SMARCB1: variants seen among roughly 807,000 people sequenced by gnomAD.
SMARCB1 encodes SWI/SNF-related matrix-associated actin-dependent regulator of chromatin subfamily B member 1.
SMARCB1 carries 5 observed loss-of-function variants against 49.0 expected under a neutral mutation model. The observed-to-expected ratio is 0.10, with a 90% CI of 0.05 to 0.21. The LOEUF is 0.21. Among genes scored for constraint, SMARCB1 ranks in the 10% least tolerant of loss-of-function variants. SMARCB1 has a pLI of 1.00. For synonymous variants in SMARCB1, 201 were observed against 200.1 expected (o/e 1.00, Z -0.04); for missense variants, 226 against 509.2 (o/e 0.44, Z 5.35).
chr22:23,829,654 T>G (rs2030557143), intron 7 of SMARCB1, among the ~76,000 whole-genome samples: 1 of 152,254 alleles, frequency 6.6e-6, no homozygotes, highest in African/African-American at 2.4e-5. Flanking sequence ...TCAGGTTTTG[T>G]TTGTTTTTTT....
At position 23,835,425 on chromosome 22, in the gene SMARCB1, C is replaced by T. The variant is rs1261128119; in HGVS notation, c.*1245C>T. Reference sequence around the variant, plus strand: ...GCTAGGGTCAGAGGCTGCTGTGCTCCCTGGAAGTGGGGTAGGGCCCCATGT... The same window carrying T: ...GCTAGGGTCAGAGGCTGCTGTGCTCTCTGGAAGTGGGGTAGGGCCCCATGT... On this transcript the variant is annotated 3_prime_UTR_variant, in exon 9 of 9. Coordinates refer to ENST00000644036, the MANE Select transcript of SMARCB1 (RefSeq NM_003073.5). 3.0e-6 allele frequency: 3 copies of T among 986,708 alleles called. No individual in the cohort carries two copies. The highest frequency in any genetic ancestry group is 3.6e-6 in the Non-Finnish European group (3 of 830,936). 61.1% of individuals were successfully genotyped at this position (986,708 alleles called of 1,614,324 possible).
intron 5 of SMARCB1, chr22:23,815,781 A>G (rs1296069985): frequency 6.6e-6 from 1 of 152,264 alleles, no homozygotes; most frequent in Non-Finnish European, 1.5e-5. Context: ...GGATACAGAT[A>G]CAGTCCTCTA....
chr22:23,802,154 C>T (rs1792982511), intron 4 of SMARCB1: 1 of 152,776 alleles, frequency 6.5e-6, no homozygotes, highest in Non-Finnish European at 1.5e-5. Flanking sequence ...GATCATGTCA[C>T]CTCTCCACGC....
At chr22:23,816,738 C>T (rs778177188) in intron 5 of SMARCB1, 32 bp from the exon 6 acceptor site, 16 of 1,604,174 alleles carry the variant, frequency 1.0e-5, no homozygotes, top group Non-Finnish European at 1.4e-5. Context: ...ATGGTGCAAT[C>T]TCTTGGCATC....
chr22:23,798,903 A>G (rs1009002398), intron 3 of SMARCB1, among the ~76,000 whole-genome samples: 4 of 150,574 alleles, frequency 2.7e-5, no homozygotes, highest in Admixed American at 6.6e-5. Context: ...CAAAAAACTT[A>G]GCCGGGCGTG....
chr22:23,800,838 G>A (rs1929095950), intron 3 of SMARCB1, 106 bp from the exon 4 acceptor site: 2 of 905,606 alleles, frequency 2.2e-6, no homozygotes, highest in South Asian at 1.3e-5. Context: ...TGGGAGCCTC[G>A]AGCCTGACAG....
intron 6 of SMARCB1, chr22:23,823,193 T>C (rs1934345576): frequency 6.6e-6 from 1 of 152,052 alleles, no homozygotes; most frequent in Non-Finnish European, 1.5e-5. Context: ...AATAAATGAA[T>C]GTGTTAGTGA....
chr22:23,803,740 C>G (rs1014982774), intron 5 of SMARCB1: 10 of 415,988 alleles, frequency 2.4e-5, no homozygotes, highest in African/African-American at 1.6e-4. Flanking sequence ...GCCCCCGAGC[C>G]CTGCACACAC....
At chr22:23,813,535 A>G (rs1000284546) in intron 5 of SMARCB1, among the ~76,000 whole-genome samples, 6 of 152,344 alleles carry the variant, frequency 3.9e-5, no homozygotes, top group Non-Finnish European at 8.8e-5. Flanking sequence ...ACCATTTATC[A>G]TCACTCAATA....
rs185572642 is a variant in SMARCB1, at chr22:23,833,559, C to T, written c.987-13C>T. On this transcript the variant is annotated splice_polypyrimidine_tract_variant and intron_variant, in intron 7 of 8. Coordinates refer to ENST00000644036, the MANE Select transcript of SMARCB1 (RefSeq NM_003073.5). ...GGAAAAGTCATTCCTCTCACTGCCT[C>T]CCCTCCTCGTAGCGAGAACCCTCTG... 15 of 1,614,210 alleles carry T rather than the reference C, an allele frequency of 9.3e-6. No individual in the cohort carries two copies. In the Admixed American group the frequency reaches 1.5e-4, roughly 16 times the overall value.
rs372924301 is a variant in SMARCB1, at chr22:23,816,896, G to A, written c.755G>A (p.Ser252Asn). ...CAGATCGAGTCCTACCCCACGGACAGCATCCTGGAGGACCAGTCAGACCAG... is the reference window on the plus strand; with the variant it reads ...CAGATCGAGTCCTACCCCACGGACAACATCCTGGAGGACCAGTCAGACCAG... ...RQQIESYPTDSILEDQSDQRV... is the reference protein window; with the variant it reads ...RQQIESYPTDNILEDQSDQRV... The change falls in exon 6 of 9, where the codon AGC (serine) becomes AAC (asparagine). Residue 252 changes from serine to asparagine, a missense_variant. This residue lies in a region of SMARCB1 where 128 missense variants were observed against 263.9 expected (regional missense o/e 0.49). Transcript: ENST00000644036. 3.7e-6 allele frequency: 6 copies of A among 1,613,984 alleles called. No homozygotes were observed. The African/African-American group carries it at 8.0e-5, about 22-fold the overall frequency.
Position 23,833,076 on chromosome 22 carries a change from A to T in SMARCB1, c.987-496A>T, listed in dbSNP as rs139340414. Among the ~76,000 whole-genome samples, 746 of 152,262 alleles carry T rather than the reference A, an allele frequency of 4.9e-3. 10 individuals carry two copies. The highest frequency in any genetic ancestry group is 0.017 in the African/African-American group (707 of 41,564). ...TGGAACATGCAGGAACAGGCTGTGC[A>T]GTGGCCCTCAGTAGTGGGGGGCTGG... On this transcript the variant is annotated intron_variant, in intron 7 of 8. Coordinates refer to ENST00000644036, the MANE Select transcript of SMARCB1 (RefSeq NM_003073.5).
Position 23,835,820 on chromosome 22 carries a change from C to G in SMARCB1, c.*1640C>G. 1 of 985,448 alleles carries G rather than the reference C, an allele frequency of 1.0e-6. No homozygotes were observed. The highest frequency in any genetic ancestry group is 1.2e-6 in the Non-Finnish European group (1 of 829,954). 61.0% of individuals were successfully genotyped at this position (985,448 alleles called of 1,614,324 possible). On this transcript the variant is annotated 3_prime_UTR_variant, in exon 9 of 9. Coordinates refer to ENST00000644036, the MANE Select transcript of SMARCB1 (RefSeq NM_003073.5). ...ACCTTGGCTGCCTCACCCCACAGGT[C>G]GGGCAGGGCCACCTGGCTGGGAGGT...
chr22:23,825,203 T>C, intron 6 of SMARCB1, 22 bp from the exon 7 acceptor site: 1 of 1,611,960 alleles, frequency 6.2e-7, no homozygotes, highest in Non-Finnish European at 8.5e-7. Flanking sequence ...CTCTAACTTG[T>C]GTCCTTTGGT....
At chr22:23,818,652 C>G (rs2029914890) in intron 6 of SMARCB1, 1 of 143,400 alleles carries the variant, frequency 7.0e-6, no homozygotes, top group Non-Finnish European at 1.5e-5. Context: ...ACTCCCCATT[C>G]CCCCTCCCCC....
intron 4 of SMARCB1, chr22:23,801,657 G>A (rs1929162827): frequency 9.3e-6 from 3 of 322,140 alleles, no homozygotes; most frequent in South Asian, 7.8e-5. Flanking sequence ...AGCCTCTGTG[G>A]TCACGTGGCC....
At chr22:23,793,437 G>C in intron 2 of SMARCB1, 122 bp from the exon 3 acceptor site, 1 of 1,020,874 alleles carries the variant, frequency 9.8e-7, no homozygotes, top group Non-Finnish European at 1.5e-6. Context: ...GCAGTAGTAA[G>C]TTTGACACCT....
At chr22:23,800,388 A>G (rs995790179) in intron 3 of SMARCB1, among the ~76,000 whole-genome samples, 1 of 152,228 alleles carries the variant, frequency 6.6e-6, no homozygotes, top group Non-Finnish European at 1.5e-5. Context: ...CCATCTCAGG[A>G]TGGCTGGTAT....
rs35413493 is a variant in SMARCB1, at chr22:23,802,786, G to A, written c.501-509G>A. ...CTCCTGGGACTCCCTCAGGGCAGTGGCCAGTTTGCATAGCCTGAGGGAAGA... is the reference window on the plus strand; with the variant it reads ...CTCCTGGGACTCCCTCAGGGCAGTGACCAGTTTGCATAGCCTGAGGGAAGA... On this transcript the variant is annotated intron_variant, in intron 4 of 8. Coordinates refer to ENST00000644036, the MANE Select transcript of SMARCB1 (RefSeq NM_003073.5). The A allele has an allele frequency of 3.0e-3, 832 of 275,490 alleles. 8 individuals carry two copies. Among genetic ancestry groups the A allele is most frequent in the African/African-American group, 0.017 (765 of 45,616 alleles). The allele number at this position is 275,490 out of a possible 1,614,324, so 17.1% of individuals were successfully genotyped here. A position where few individuals can be genotyped will look rare whatever the true frequency, so the allele number is the denominator to read the frequency against.
Sources: gnomAD v4.1 joint callset for allele counts (sites outside exome capture counted in the v4.1 genomes callset) on GRCh38, gnomAD v4.1.1 for gene constraint, gnomAD v4.1.1 regional missense constraint, MANE v1.5 for transcripts, NCBI Gene and HGNC (gene_info 2026-07-23, HGNC 2026-07-21) for gene names.